Variants in IPO7 observed in about 807,000 individuals in gnomAD.
IPO7 encodes the protein importin 7.
Under a neutral mutation model 136.4 loss-of-function variants are expected in IPO7, and 13 were observed. The ratio of observed to expected loss-of-function variants is 0.10; its 90% CI spans 0.06 to 0.15. IPO7 has a LOEUF of 0.15. Ranked by LOEUF, IPO7 falls within the 10% of genes least tolerant of loss-of-function variation. The pLI, the probability that IPO7 is intolerant of heterozygous loss-of-function variation, is 1.00. For missense variants in IPO7, 857 were observed against 1,240.6 expected, an observed-to-expected ratio of 0.69 and a Z score of 4.65; for synonymous variants, 403 against 404.4, an observed-to-expected ratio of 1.00 and a Z score of 0.04.
At chr11:9,396,675 T>C (rs1187320639) in intron 1 of IPO7, among the ~76,000 whole-genome samples, 2 of 152,228 alleles carry the variant, frequency 1.3e-5, no homozygotes. Context: ...AATCATACAA[T>C]ATGTAGTCTT....
At chr11:9,435,492 A>C (rs1287433404) in intron 19 of IPO7, among the ~76,000 whole-genome samples, 2 of 152,196 alleles carry the variant, frequency 1.3e-5, no homozygotes, top group Admixed American at 1.3e-4. Context: ...GAAGCATTTT[A>C]ATTTCTAGCA....
intron 12 of IPO7, among the ~76,000 whole-genome samples, chr11:9,425,872 C>CTT (rs1358087104): frequency 6.9e-6 from 1 of 145,348 alleles, no homozygotes; most frequent in African/African-American, 2.6e-5. Context: ...GAGTGAGACT[C>CTT]TGTCTCCAAA....
chr11:9,439,025 G>A (rs1855423772), intron 22 of IPO7, among the ~76,000 whole-genome samples: 1 of 152,144 alleles, frequency 6.6e-6, no homozygotes, highest in Admixed American at 6.5e-5. Flanking sequence ...TATAGTCCCA[G>A]CTACTTGGAA....
At chr11:9,392,074 T>A (rs992723969) in intron 1 of IPO7, 13 of 251,192 alleles carry the variant, frequency 5.2e-5, no homozygotes, top group African/African-American at 2.8e-4. Context: ...TGAAGAGCCT[T>A]AGCCTTGTCC....
intron 3 of IPO7, 110 bp downstream of exon 3, chr11:9,408,749 G>A (rs1397641402): frequency 2.4e-5 from 17 of 696,126 alleles, no homozygotes; most frequent in Non-Finnish European, 3.4e-5. Context: ...CTTTCCCTCT[G>A]TGGCCAGGCT....
intron 20 of IPO7, 87 bp from the exon 21 acceptor site, chr11:9,437,663 GTTAA>G (rs1440881130): frequency 7.8e-6 from 7 of 893,466 alleles, no homozygotes; most frequent in Non-Finnish European, 1.2e-5. Flanking sequence ...CTACAATAGG[GTTAA>G]TTGAGGCAAC....
rs371125751 is a variant in IPO7 at position 9,434,914 on chromosome 11, G to A, written c.2075-20G>A. On this transcript the variant is annotated intron_variant, in intron 18 of 24. Transcript: ENST00000379719. The stretch of plus-strand genomic sequence containing the variant: ...TTTGTGTTACTAAAGATGTGTAACC[G>A]ATGTTTTTTATTAATACAGATATGA... 2.2e-5 allele frequency: 32 copies of A among 1,450,916 alleles called. No individual in the cohort carries two copies. Among genetic ancestry groups the A allele is most frequent in the African/African-American group, 8.4e-5 (6 of 71,462 alleles). 89.9% of individuals were successfully genotyped at this position (1,450,916 alleles called of 1,614,324 possible).
At position 9,403,271 on chromosome 11, in the gene IPO7, G is replaced by T. The variant is rs1414757941; in HGVS notation, c.85-19G>T. The T allele has an allele frequency of 1.3e-6, 2 of 1,554,506 alleles. No homozygotes were observed. The highest frequency in any genetic ancestry group is 1.8e-6 in the Non-Finnish European group (2 of 1,126,784). On this transcript the variant is annotated intron_variant, in intron 1 of 24. Coordinates refer to ENST00000379719, the MANE Select transcript of IPO7 (RefSeq NM_006391.3). ...ATATTTATTTGCAGAAGTTTAAAAT[G>T]GACTTTTTTTCTTTGTAGGCACACA...
chr11:9,435,322 G>A (rs1047697689), intron 19 of IPO7, among the ~76,000 whole-genome samples: 6 of 152,198 alleles, frequency 3.9e-5, no homozygotes, highest in African/African-American at 1.4e-4. Context: ...AAGAACTTGA[G>A]AGATTTTTGA....
At chr11:9,409,907 C>A in intron 3 of IPO7, 21 bp from the exon 4 acceptor site, 3 of 1,490,624 alleles carry the variant, frequency 2.0e-6, no homozygotes, top group Non-Finnish European at 2.7e-6. Context: ...TTTTTCCTTA[C>A]TGTTTTTTTT....
chr11:9,405,095 A>G (rs1191849199), intron 2 of IPO7, among the ~76,000 whole-genome samples: 3 of 152,158 alleles, frequency 2.0e-5, no homozygotes, highest in Non-Finnish European at 4.4e-5. Context: ...TGCTAGGCAG[A>G]TAGGAATTAT....
intron 2 of IPO7, among the ~76,000 whole-genome samples, chr11:9,406,934 A>C (rs1854896948): frequency 1.3e-5 from 2 of 152,202 alleles, no homozygotes; most frequent in Admixed American, 1.3e-4. Flanking sequence ...AGTGCATGGC[A>C]TATGGTGGTT....
At chr11:9,427,877 G>T (rs892460404) in intron 12 of IPO7, among the ~76,000 whole-genome samples, 3 of 152,156 alleles carry the variant, frequency 2.0e-5, no homozygotes, top group Non-Finnish European at 2.9e-5. Flanking sequence ...GTCTCACATT[G>T]CATTAAGTTG....
intron 22 of IPO7, among the ~76,000 whole-genome samples, chr11:9,439,033 G>A (rs1412472744): frequency 2.0e-5 from 3 of 152,096 alleles, no homozygotes; most frequent in African/African-American, 7.2e-5. Flanking sequence ...CAGCTACTTG[G>A]AAGTCTGAGG....
At chr11:9,389,102 A>G (rs1474522348) in intron 1 of IPO7, among the ~76,000 whole-genome samples, 1 of 151,864 alleles carries the variant, frequency 6.6e-6, no homozygotes, top group Admixed American at 6.6e-5. Flanking sequence ...TGCCCAGGCT[A>G]GAGTGCGGTG....
intron 1 of IPO7, 168 bp from the exon 2 acceptor site, chr11:9,403,122 A>G: frequency 1.6e-6 from 1 of 637,602 alleles, no homozygotes; most frequent in South Asian, 1.8e-5. Context: ...TAAGTCATCA[A>G]ATTCCTTAAA....
rs1855257277 is a variant in IPO7 at position 9,429,210 on chromosome 11, G to GT, written c.1591+15dup. On this transcript the variant is annotated intron_variant, in intron 14 of 24. Transcript: ENST00000379719. ...ATCAAGAAAAAGGTAAAGGATTTTT[G>GT]TATGTCAAGAAAAGTGAATGTTGGC... 3.1e-6 allele frequency: 5 copies of GT among 1,608,586 alleles called. No individual in the cohort carries two copies. The highest frequency in any genetic ancestry group is 4.2e-6 in the Non-Finnish European group (5 of 1,176,932).
At chr11:9,430,130 T>C (rs1183696272) in intron 15 of IPO7, among the ~76,000 whole-genome samples, 1 of 152,108 alleles carries the variant, frequency 6.6e-6, no homozygotes, top group Non-Finnish European at 1.5e-5. Flanking sequence ...CCGGCAGTAA[T>C]GCTCACTCAC....
intron 10 of IPO7, 115 bp downstream of exon 10, chr11:9,423,991 G>A: frequency 1.7e-6 from 1 of 601,078 alleles, no homozygotes; most frequent in South Asian, 2.2e-5. Flanking sequence ...TAATGTAATT[G>A]ATCCCTTGTG....
Sources: gnomAD v4.1 joint callset for allele counts (sites outside exome capture counted in the v4.1 genomes callset) on GRCh38, gnomAD v4.1.1 for gene constraint, MANE v1.5 for transcripts, NCBI Gene and HGNC (gene_info 2026-07-23, HGNC 2026-07-21) for gene names.